Variants in CPNE4 observed in about 807,000 individuals in gnomAD.
The protein encoded by CPNE4 is copine 4, also known as copine-4.
In CPNE4, 25 loss-of-function variants were observed where a neutral mutation model predicts 67.9. The observed-to-expected ratio is 0.37, with a 90% CI of 0.27 to 0.51. The LOEUF is 0.51. Among genes scored for constraint, CPNE4 ranks in the 20% least tolerant of loss-of-function variants. The probability of loss-of-function intolerance (pLI) is 0.93; values close to 1 mark genes in which losing one functional copy is unlikely to be tolerated. For missense variants in CPNE4, 464 were observed against 690.8 expected (o/e 0.67, Z 3.68); for synonymous variants, 242 against 244.9 (o/e 0.99, Z 0.11).
At chr3:131,892,915 G>A (rs1017820705) in intron 2 of CPNE4, among the ~76,000 whole-genome samples, 1 of 151,690 alleles carries the variant, frequency 6.6e-6, no homozygotes, top group African/African-American at 2.4e-5. Flanking sequence ...AGAAAGGAAG[G>A]AAGAAAGAAT....
At chr3:131,647,734 A>G (rs2107618101) in intron 7 of CPNE4, among the ~76,000 whole-genome samples, 1 of 152,298 alleles carries the variant, frequency 6.6e-6, no homozygotes, top group South Asian at 2.1e-4. Flanking sequence ...CTGATGGGAA[A>G]AAATTACTCA....
chr3:131,908,663 A>G (rs543793675), intron 1 of CPNE4, among the ~76,000 whole-genome samples: 1 of 152,062 alleles, frequency 6.6e-6, no homozygotes, highest in Admixed American at 6.6e-5. Flanking sequence ...TACATATTGT[A>G]TTTTTACATA....
intron 2 of CPNE4, among the ~76,000 whole-genome samples, chr3:131,898,644 C>T (rs1438939306): frequency 6.6e-6 from 1 of 152,024 alleles, no homozygotes; most frequent in African/African-American, 2.4e-5. Context: ...ATCCAGTAAT[C>T]TTATTTTCCT....
intron 1 of CPNE4, among the ~76,000 whole-genome samples, chr3:132,018,579 T>C (rs2073933375): frequency 6.6e-6 from 1 of 152,238 alleles, no homozygotes; most frequent in Admixed American, 6.5e-5. Flanking sequence ...TATCTGTCTG[T>C]GTCCACCAGC....
At chr3:131,785,797 G>C (rs1029946919) in intron 2 of CPNE4, among the ~76,000 whole-genome samples, 1 of 151,910 alleles carries the variant, frequency 6.6e-6, no homozygotes, top group Non-Finnish European at 1.5e-5. Context: ...GGGTTTGGAG[G>C]TGTCCCTAAT....
intron 2 of CPNE4, among the ~76,000 whole-genome samples, chr3:131,828,334 TA>T: frequency 2.0e-5 from 3 of 152,332 alleles, no homozygotes; most frequent in Middle Eastern, 3.4e-3. Context: ...CCCTAATTTA[TA>T]ACACCTTAGC....
intron 1 of CPNE4, among the ~76,000 whole-genome samples, chr3:132,027,472 C>A (rs373089142): frequency 2.6e-5 from 4 of 151,600 alleles, no homozygotes; most frequent in Admixed American, 2.0e-4. Context: ...TATTAGTTGC[C>A]AAAAAATCAA....
intron 2 of CPNE4, among the ~76,000 whole-genome samples, chr3:131,836,820 T>C (rs968515628): frequency 6.6e-6 from 1 of 152,180 alleles, no homozygotes; most frequent in Admixed American, 6.6e-5. Flanking sequence ...TTGCAAGTCA[T>C]ATGTCCAACA....
chr3:131,923,021 C>A (rs1174870543), intron 1 of CPNE4, among the ~76,000 whole-genome samples: 1 of 152,022 alleles, frequency 6.6e-6, no homozygotes, highest in Non-Finnish European at 1.5e-5. Context: ...TTGGTTTGGG[C>A]CAAAACCTTT....
At chr3:131,583,332 G>A (rs779245955) in intron 8 of CPNE4, among the ~76,000 whole-genome samples, 4 of 152,004 alleles carry the variant, frequency 2.6e-5, no homozygotes, top group Admixed American at 2.6e-4. Context: ...TAGTATTTCT[G>A]GACAAAAGAG....
At chr3:131,546,350 T>G (rs956595627) in intron 14 of CPNE4, among the ~76,000 whole-genome samples, 1 of 152,168 alleles carries the variant, frequency 6.6e-6, no homozygotes, top group Non-Finnish European at 1.5e-5. Context: ...AATATTATAG[T>G]CTTTGAATAT....
At chr3:131,706,226 T>C (rs147811128) in intron 3 of CPNE4, among the ~76,000 whole-genome samples, 22 of 152,330 alleles carry the variant, frequency 1.4e-4, no homozygotes, top group African/African-American at 5.1e-4. Context: ...AACTCCCACT[T>C]TGAGATACTA....
intron 1 of CPNE4, among the ~76,000 whole-genome samples, chr3:131,996,535 G>T (rs1336416563): frequency 6.6e-6 from 1 of 151,808 alleles, no homozygotes; most frequent in Non-Finnish European, 1.5e-5. Context: ...GATAGGAACA[G>T]AAGAAAATCC....
chr3:131,558,581 C>A (rs1442227446), intron 11 of CPNE4, among the ~76,000 whole-genome samples: 4 of 151,842 alleles, frequency 2.6e-5, no homozygotes, highest in African/African-American at 9.7e-5. Flanking sequence ...AGTAAGCTGT[C>A]CTGACCTTCT....
chr3:131,860,880 G>A (rs536694134), intron 2 of CPNE4, among the ~76,000 whole-genome samples: 2 of 152,152 alleles, frequency 1.3e-5, no homozygotes, highest in Non-Finnish European at 2.9e-5. Flanking sequence ...TTGTGAGTTT[G>A]TCTTTAATCT....
intron 14 of CPNE4, 82 bp downstream of exon 14, chr3:131,549,865 T>A: frequency 6.7e-7 from 1 of 1,485,936 alleles, no homozygotes. Context: ...GAATTTATTG[T>A]TAGAGTGAGA....
In CPNE4 at chr3:131,942,463, T is replaced by TGTGTGAGAGA. The variant is rs2071424814; in HGVS notation, c.-1-37020_-1-37019insTCTCTCACAC. The stretch of plus-strand genomic sequence containing the variant: ...GTGTGTGTGTGTGTGTGTGTGTGTG[T>TGTGTGAGAGA]GAGAGAGAGAGAGAGAGAGAGAGAG... On this transcript the variant is annotated intron_variant, in intron 1 of 15. Transcript: ENST00000429747. Among the ~76,000 whole-genome samples, 38 of 70,750 alleles carry TGTGTGAGAGA rather than the reference T, an allele frequency of 5.4e-4. 1 individual carries two copies. Among genetic ancestry groups the TGTGTGAGAGA allele is most frequent in the African/African-American group, 1.8e-3 (37 of 20,060 alleles). 46.4% of individuals were successfully genotyped at this position (70,750 alleles called of 152,430 possible). A position where few individuals can be genotyped will look rare whatever the true frequency, so the allele number is the denominator to read the frequency against.
At chr3:131,605,378 C>T (rs889968697) in intron 7 of CPNE4, among the ~76,000 whole-genome samples, 13 of 152,010 alleles carry the variant, frequency 8.6e-5, no homozygotes, top group African/African-American at 3.1e-4. Context: ...TTTTTCAGCC[C>T]TTACCCTCTT....
chr3:131,773,614 C>G (rs2083223768), intron 2 of CPNE4, among the ~76,000 whole-genome samples: 1 of 151,974 alleles, frequency 6.6e-6, no homozygotes, highest in South Asian at 2.1e-4. Context: ...TCCCAGAGTG[C>G]TGGGATTACA....
Sources: gnomAD v4.1 joint callset for allele counts (sites outside exome capture counted in the v4.1 genomes callset) on GRCh38, gnomAD v4.1.1 for gene constraint, MANE v1.5 for transcripts, NCBI Gene and HGNC (gene_info 2026-07-23, HGNC 2026-07-21) for gene names.